Variants in PRRC2C observed in about 807,000 individuals in gnomAD.
PRRC2C encodes the protein proline rich coiled-coil 2C.
PRRC2C carries 72 observed loss-of-function variants against 317.2 expected under a neutral mutation model. The ratio of observed to expected loss-of-function variants is 0.23; its 90% CI spans 0.19 to 0.28. The LOEUF (loss-of-function observed/expected upper bound fraction) is 0.28. Among genes scored for constraint, PRRC2C ranks in the 10% least tolerant of loss-of-function variants. The pLI is 1.00. For synonymous variants in PRRC2C, 1,296 were observed against 1,205.9 expected (o/e 1.07, Z -1.55); for missense variants, 3,074 against 3,459.7 (o/e 0.89, Z 2.80).
rs1200733535 is a variant in PRRC2C, at chr1:171,485,635, C to T, written c.-158C>T. 1.3e-5 allele frequency: 2 copies of T among 152,720 alleles called. No individual in the cohort carries two copies. The highest frequency in any genetic ancestry group is 1.5e-5 in the Non-Finnish European group (1 of 68,094). The allele number at this position is 152,720 out of a possible 1,614,324, so 9.5% of individuals were successfully genotyped here. A position where few individuals can be genotyped will look rare whatever the true frequency, so the allele number is the denominator to read the frequency against. Reference sequence around the variant, plus strand: ...CTTCGGCTTTTCCAGTCTGGTGGCCCTTCCGGCCACCCCTTTAACCCCAGC... The same window carrying T: ...CTTCGGCTTTTCCAGTCTGGTGGCCTTTCCGGCCACCCCTTTAACCCCAGC... On this transcript the variant is annotated 5_prime_UTR_variant, in exon 1 of 35. Transcript: ENST00000647382.
chr1:171,517,865 G>A (rs1479733036), intron 6 of PRRC2C, 51 bp downstream of exon 6: 18 of 1,513,516 alleles, frequency 1.2e-5, no homozygotes, highest in Admixed American at 1.9e-5. Context: ...TTTGATCTGG[G>A]GTCCAAGGAG....
Position 171,540,710 on chromosome 1 carries a change from A to G in PRRC2C, c.3244A>G (p.Ile1082Val), listed in dbSNP as rs1311071884. Residue 1082 changes from isoleucine (I) to valine (V), a missense_variant, in exon 16 of 35, where the codon ATT becomes GTT. By Grantham distance (29) the Ile-to-Val change is conservative. Coordinates refer to ENST00000647382, the MANE Select transcript of PRRC2C (RefSeq NM_001387844.1). Reference sequence around the variant, plus strand: ...TCAGCCACAGTCAGTTCCACCACCAATTCAACCAGAAGCAGAGAAATTTCC... The same window carrying G: ...TCAGCCACAGTCAGTTCCACCACCAGTTCAACCAGAAGCAGAGAAATTTCC... ...PIQPQSVPPP[I>V]QPEAEKFPST... 5.0e-6 allele frequency: 8 copies of G among 1,613,808 alleles called. No individual in the cohort carries two copies. Among genetic ancestry groups the G allele is most frequent in the Non-Finnish European group, 6.8e-6 (8 of 1,179,876 alleles).
intron 16 of PRRC2C, among the ~76,000 whole-genome samples, chr1:171,543,139 T>C (rs61814673): frequency 6.7e-6 from 1 of 150,330 alleles, no homozygotes. Flanking sequence ...GGAGGCCAAG[T>C]TGGGCGGGTC....
chr1:171,544,901 T>G (rs1309438528), intron 16 of PRRC2C, among the ~76,000 whole-genome samples: 1 of 152,142 alleles, frequency 6.6e-6, no homozygotes, highest in Non-Finnish European at 1.5e-5. Context: ...ACTTGGAAAT[T>G]TAAAAAAACA....
intron 1 of PRRC2C, among the ~76,000 whole-genome samples, chr1:171,499,317 A>G (rs755928627): frequency 3.2e-4 from 49 of 152,346 alleles, no homozygotes; most frequent in Non-Finnish European, 6.8e-4. Context: ...GAATAGGGGA[A>G]CTAATCATTT....
intron 1 of PRRC2C, among the ~76,000 whole-genome samples, chr1:171,491,027 T>A (rs933786957): frequency 6.6e-6 from 1 of 152,210 alleles, no homozygotes; most frequent in Admixed American, 6.5e-5. Context: ...TTTCTATATA[T>A]CTTCTGAATT....
chr1:171,563,525 C>G (rs866089169), intron 20 of PRRC2C, among the ~76,000 whole-genome samples: 1 of 151,954 alleles, frequency 6.6e-6, no homozygotes. Flanking sequence ...AGAACTTGAA[C>G]GTCATTTTGC....
intron 17 of PRRC2C, among the ~76,000 whole-genome samples, chr1:171,548,463 C>T (rs1679583398): frequency 6.6e-6 from 1 of 152,116 alleles, no homozygotes; most frequent in African/African-American, 2.4e-5. Context: ...TATCACCATC[C>T]TGAATTGTAT....
intron 7 of PRRC2C, chr1:171,522,570 G>GAGTTCAAA (rs1406392124): frequency 1.2e-5 from 2 of 168,660 alleles, no homozygotes; most frequent in African/African-American, 4.8e-5. Context: ...AGGAGTTCAA[G>GAGTTCAAA]GCCAGCCTGG....
chr1:171,532,426 A>G lies in PRRC2C; in HGVS notation c.1338A>G (p.Ile446Met). 2 of 1,614,026 alleles carry G rather than the reference A, an allele frequency of 1.2e-6. No homozygotes were observed. The highest frequency in any genetic ancestry group is 1.1e-5 in the South Asian group (1 of 91,064). The change falls in exon 12 of 35, where the codon ATA (isoleucine) becomes ATG (methionine). Residue 446 changes from isoleucine to methionine, a missense_variant. Around this residue, in one of 11 missense-constraint regions of PRRC2C, gnomAD observed 1,320 missense variants for 1,395.7 expected, o/e 0.95. Coordinates refer to ENST00000647382, the MANE Select transcript of PRRC2C (RefSeq NM_001387844.1). Reference protein sequence around the residue: ...SKQQVADEDEIWKQRRRQQSE... With the variant: ...SKQQVADEDEMWKQRRRQQSE... ...AGCAAGTAGCTGATGAAGATGAAAT[A>G]TGGAAGCAAAGACGAAGACAACAAT... is the stretch of plus-strand genomic sequence containing the variant.
intron 23 of PRRC2C, among the ~76,000 whole-genome samples, chr1:171,569,741 GT>G (rs1420102422): frequency 1.3e-5 from 2 of 150,602 alleles, no homozygotes; most frequent in Non-Finnish European, 3.0e-5. Flanking sequence ...TCTCAATAAA[GT>G]TTAATTATAC....
intron 25 of PRRC2C, 147 bp from the exon 26 acceptor site, chr1:171,577,287 C>T: frequency 1.7e-6 from 1 of 580,488 alleles, no homozygotes; most frequent in South Asian, 2.6e-5. Context: ...CTTTTATAAG[C>T]TACCTCATCT....
chr1:171,531,128 T>C (rs1675775743), intron 11 of PRRC2C, among the ~76,000 whole-genome samples: 1 of 152,164 alleles, frequency 6.6e-6, no homozygotes, highest in South Asian at 2.1e-4. Context: ...GAGAATATAA[T>C]TTTATACATG....
intron 7 of PRRC2C, chr1:171,522,509 C>A (rs1413557586): frequency 2.2e-5 from 5 of 226,896 alleles, no homozygotes; most frequent in Non-Finnish European, 4.3e-5. Flanking sequence ...GTGGCTCACC[C>A]CTGTAATCCC....
intron 15 of PRRC2C, 100 bp downstream of exon 15, chr1:171,537,573 T>C: frequency 9.3e-7 from 1 of 1,074,502 alleles, no homozygotes; most frequent in Non-Finnish European, 1.3e-6. Context: ...GACTGAAGCA[T>C]AAATCTGGTT....
intron 1 of PRRC2C, chr1:171,511,120 C>T (rs1323736301): frequency 6.6e-6 from 1 of 152,022 alleles, no homozygotes; most frequent in Non-Finnish European, 1.5e-5. Flanking sequence ...TGTTTCAGTT[C>T]TCAATGTTTT....
Position 171,507,795 on chromosome 1 carries a change from GCTAT to G in PRRC2C, c.-57-4234_-57-4231del, listed in dbSNP as rs376750360. 1.9e-4 allele frequency among the ~76,000 whole-genome samples: 29 copies of G among 152,188 alleles called. No homozygotes were observed. The East Asian group carries it at 4.8e-3, about 25-fold the overall frequency. On this transcript the variant is annotated intron_variant, in intron 1 of 34. Coordinates refer to ENST00000647382, the MANE Select transcript of PRRC2C (RefSeq NM_001387844.1). Reference sequence around the variant, plus strand: ...TAATTCTTCCAATCTGTGAATGTGGGCTATCTTTCTATTTATTTCGATTTCTTGT... The same window carrying G: ...TAATTCTTCCAATCTGTGAATGTGGGCTTTCTATTTATTTCGATTTCTTGT...
At chr1:171,574,816 T>G in intron 24 of PRRC2C, 111 bp from the exon 25 acceptor site, 1 of 965,534 alleles carries the variant, frequency 1.0e-6, no homozygotes, top group Non-Finnish European at 1.6e-6. Context: ...TTTGTGTGTG[T>G]GTGGTTTTTG....
intron 23 of PRRC2C, 122 bp from the exon 24 acceptor site, chr1:171,571,198 A>G (rs1208872964): frequency 1.6e-5 from 9 of 578,032 alleles, no homozygotes; most frequent in Middle Eastern, 3.9e-4. Flanking sequence ...AAGTAATCAC[A>G]TATTTCTGTT....
Sources: allele counts gnomAD v4.1 joint callset (sites outside exome capture counted in the v4.1 genomes callset), GRCh38; gene constraint gnomAD v4.1.1; regional missense constraint gnomAD v4.1.1; transcripts MANE v1.5; gene names NCBI Gene and HGNC (gene_info 2026-07-23, HGNC 2026-07-21).